The following SH3BGRL variants were observed in gnomAD, a reference collection of about 807,000 sequenced individuals.
SH3BGRL encodes adapter SH3BGRL.
Under a neutral mutation model 9.8 loss-of-function variants are expected in SH3BGRL, and 7 were observed. The ratio of observed to expected loss-of-function variants is 0.72; its 90% CI spans 0.41 to 1.35. SH3BGRL has a LOEUF of 1.35. Among genes scored for constraint, SH3BGRL ranks in the 40% most tolerant of loss-of-function variants. The probability of loss-of-function intolerance (pLI) is 0.01; values close to 1 mark genes in which losing one functional copy is unlikely to be tolerated. For missense variants in SH3BGRL, 73 were observed against 84.4 expected, an observed-to-expected ratio of 0.86 and a Z score of 0.53; for synonymous variants, 36 against 29.1, an observed-to-expected ratio of 1.24 and a Z score of -0.76.
At chrX:81,235,029 A>C (rs769338304) in intron 1 of SH3BGRL, among the ~76,000 whole-genome samples, 3 of 111,608 alleles carry the variant, frequency 2.7e-5, no homozygotes, top group Non-Finnish European at 5.7e-5. Flanking sequence ...TCTTGAGTAG[A>C]TTACTTACCT....
intron 1 of SH3BGRL, among the ~76,000 whole-genome samples, chrX:81,210,029 A>G (rs2075558619): frequency 9.0e-6 from 1 of 111,321 alleles, no homozygotes; most frequent in Admixed American, 9.5e-5. Context: ...TATAACTTGT[A>G]AACTCTGGTT....
At chrX:81,240,065 A>G (rs1466948923) in intron 1 of SH3BGRL, among the ~76,000 whole-genome samples, 3 of 112,322 alleles carry the variant, frequency 2.7e-5, no homozygotes, top group Non-Finnish European at 5.6e-5. Context: ...GCAAAAAGTA[A>G]TCTCTTGAAA....
chrX:81,226,879 C>T (rs1037352017), intron 1 of SH3BGRL, among the ~76,000 whole-genome samples: 1 of 111,100 alleles, frequency 9.0e-6, no homozygotes, highest in Non-Finnish European at 1.9e-5. Flanking sequence ...GGTTTTAGCC[C>T]TGTAAGACTA....
intron 1 of SH3BGRL, among the ~76,000 whole-genome samples, chrX:81,259,701 A>G (rs751306160): frequency 8.9e-6 from 1 of 111,889 alleles, no homozygotes; most frequent in South Asian, 3.7e-4. Flanking sequence ...CTACTCCCAA[A>G]GCCCTCAGAA....
chrX:81,260,027 C>A (rs1343256681), intron 1 of SH3BGRL, among the ~76,000 whole-genome samples: 1 of 111,216 alleles, frequency 9.0e-6, no homozygotes, highest in African/African-American at 3.3e-5. Flanking sequence ...TGGGAAAGGA[C>A]AAAATGATTA....
chrX:81,235,103 C>G (rs778486939), intron 1 of SH3BGRL, among the ~76,000 whole-genome samples: 2 of 111,626 alleles, frequency 1.8e-5, no homozygotes, highest in East Asian at 2.8e-4. Flanking sequence ...ACCAACATCA[C>G]AGATTTATTT....
At chrX:81,214,284 T>C (rs768686268) in intron 1 of SH3BGRL, among the ~76,000 whole-genome samples, 3 of 111,599 alleles carry the variant, frequency 2.7e-5, no homozygotes, top group African/African-American at 6.5e-5. Flanking sequence ...AACAGCCTGA[T>C]TGGGAAAGGT....
chrX:81,295,954 C>G (rs988787486), intron 3 of SH3BGRL, among the ~76,000 whole-genome samples: 23 of 111,166 alleles, frequency 2.1e-4, no homozygotes, highest in Admixed American at 1.7e-3. Flanking sequence ...ATAGTAATAC[C>G]CCACCCCTGG....
At chrX:81,253,866 A>G (rs111575926) in intron 1 of SH3BGRL, among the ~76,000 whole-genome samples, 5,733 of 111,776 alleles carry the variant, frequency 0.051, 164 homozygotes, top group South Asian at 0.22. Flanking sequence ...CCTTCAGAGC[A>G]AAGGGTAGAT....
Position 81,277,053 on chromosome X carries a change from A to G in SH3BGRL, c.115A>G (p.Ile39Val). ...CAAAATAGGATTTGAAGAAAAAGAT[A>G]TTGCAGCCAATGAAGAGAATCGGAA... is the stretch of plus-strand genomic sequence containing the variant. ...ANKIGFEEKD[I>V]AANEENRKWM... The change falls in exon 2 of 4, where the codon ATT becomes GTT. Residue 39 changes from isoleucine to valine, a missense_variant. Ile to Val is a conservative substitution (Grantham distance 29). Transcript: ENST00000373212. 1.7e-6 allele frequency: 2 copies of G among 1,206,711 alleles called. No homozygotes were observed. Among genetic ancestry groups the G allele is most frequent in the Non-Finnish European group, 2.2e-6 (2 of 892,373 alleles).
At position 81,266,345 on chromosome X, in the gene SH3BGRL, G is replaced by A. The variant is rs932943069; in HGVS notation, c.46-10639G>A. Among the ~76,000 whole-genome samples the A allele has an allele frequency of 6.3e-5, 7 of 111,854 alleles. No homozygotes were observed. In the Admixed American group the frequency reaches 6.6e-4, roughly 11 times the overall value. On this transcript the variant is annotated intron_variant, in intron 1 of 3. Transcript: ENST00000373212. ...TTATGGTCCTAGGTCTTACATTTAA[G>A]TCTTTGATCCATCTTGAGTTGATTT...
intron 3 of SH3BGRL, among the ~76,000 whole-genome samples, chrX:81,295,939 T>C (rs761841082): frequency 9.0e-6 from 1 of 111,507 alleles, no homozygotes; most frequent in Non-Finnish European, 1.9e-5. Flanking sequence ...TTTTCAGGTA[T>C]CTTTATAGTA....
chrX:81,242,769 C>T (rs758198129), intron 1 of SH3BGRL, among the ~76,000 whole-genome samples: 2 of 111,474 alleles, frequency 1.8e-5, no homozygotes, highest in Admixed American at 9.5e-5. Flanking sequence ...ATACAGAGGA[C>T]AATCAGACAT....
chrX:81,214,877 T>C, intron 1 of SH3BGRL, among the ~76,000 whole-genome samples: 1 of 111,801 alleles, frequency 8.9e-6, no homozygotes, highest in Non-Finnish European at 1.9e-5. Flanking sequence ...TTTTAAACTT[T>C]GACTTCTGGC....
chrX:81,216,694 G>T (rs918912964), intron 1 of SH3BGRL, among the ~76,000 whole-genome samples: 1 of 111,303 alleles, frequency 9.0e-6, no homozygotes, highest in African/African-American at 3.3e-5. Flanking sequence ...AACATGCAAA[G>T]TTTGTCCTTC....
At chrX:81,282,164 G>T (rs931686040) in intron 3 of SH3BGRL, among the ~76,000 whole-genome samples, 4 of 111,725 alleles carry the variant, frequency 3.6e-5, no homozygotes, top group Non-Finnish European at 5.6e-5. Flanking sequence ...TAACACTGGA[G>T]CTTTCAAATT....
chrX:81,261,086 A>T (rs1220836142), intron 1 of SH3BGRL, among the ~76,000 whole-genome samples: 1 of 111,523 alleles, frequency 9.0e-6, no homozygotes, highest in East Asian at 2.8e-4. Flanking sequence ...ACCTTCTATA[A>T]AAATCTCTTA....
intron 1 of SH3BGRL, among the ~76,000 whole-genome samples, chrX:81,248,994 A>C (rs1569363461): frequency 8.9e-6 from 1 of 112,033 alleles, no homozygotes; most frequent in Non-Finnish European, 1.9e-5. Context: ...GATGTCCCTC[A>C]CAATTCTGGT....
Position 81,238,389 on chromosome X carries a change from C to T in SH3BGRL, c.45+36144C>T, listed in dbSNP as rs184750658. ...CCATGGCCTGTGGTGGCAGTGGCCA[C>T]GGGGTGAGGCACCTCTGCCTTTGGA... On this transcript the variant is annotated intron_variant, in intron 1 of 3. Coordinates refer to ENST00000373212, the MANE Select transcript of SH3BGRL (RefSeq NM_003022.3). 5.5e-3 allele frequency among the ~76,000 whole-genome samples: 615 copies of T among 112,521 alleles called. 20 individuals carry two copies. The highest frequency in any genetic ancestry group is 0.051 in the Admixed American group (545 of 10,705).
Sources: gnomAD v4.1 joint callset for allele counts (sites outside exome capture counted in the v4.1 genomes callset) on GRCh38, gnomAD v4.1.1 for gene constraint, MANE v1.5 for transcripts, NCBI Gene and HGNC (gene_info 2026-07-23, HGNC 2026-07-21) for gene names.